The following STAU2 variants were observed in gnomAD, a reference collection of about 807,000 sequenced individuals.
The protein encoded by STAU2 is staufen double-stranded RNA binding protein 2.
Under a neutral mutation model 65.9 loss-of-function variants are expected in STAU2, and 20 were observed. That is an observed-to-expected ratio of 0.30 (90% CI 0.21 to 0.44). The LOEUF (loss-of-function observed/expected upper bound fraction) is 0.44, where lower values mean the gene tolerates loss of function less well. Ranked by LOEUF, STAU2 falls within the 20% of genes least tolerant of loss-of-function variation. STAU2 has a pLI of 1.00. For synonymous variants in STAU2, 232 were observed against 233.9 expected, an observed-to-expected ratio of 0.99 and a Z score of 0.07; for missense variants, 558 against 683.9, an observed-to-expected ratio of 0.82 and a Z score of 2.05.
At chr8:73,673,064 A>G (rs757981007) in intron 6 of STAU2, 43 bp downstream of exon 6, 1 of 1,472,198 alleles carries the variant, frequency 6.8e-7, no homozygotes, top group South Asian at 1.5e-5. Context: ...TATAACATGG[A>G]TAAAATAATA....
intron 2 of STAU2, among the ~76,000 whole-genome samples, chr8:73,738,597 T>C (rs1409863298): frequency 1.3e-5 from 2 of 152,224 alleles, no homozygotes; most frequent in Non-Finnish European, 2.9e-5. Flanking sequence ...TAATTTTCTT[T>C]CATGTTCACT....
At chr8:73,509,026 T>C (rs1822232166) in intron 13 of STAU2, among the ~76,000 whole-genome samples, 1 of 152,190 alleles carries the variant, frequency 6.6e-6, no homozygotes, top group Non-Finnish European at 1.5e-5. Flanking sequence ...TCGAGTGAAA[T>C]TGCTGGATCA....
chr8:73,690,130 C>T (rs1354592261), intron 4 of STAU2, among the ~76,000 whole-genome samples: 1 of 151,740 alleles, frequency 6.6e-6, no homozygotes, highest in Non-Finnish European at 1.5e-5. Flanking sequence ...AGATTGAGAC[C>T]ATCCTGGCTA....
intron 14 of STAU2, among the ~76,000 whole-genome samples, chr8:73,422,162 C>T (rs770148699): frequency 2.0e-5 from 3 of 152,158 alleles, no homozygotes; most frequent in Non-Finnish European, 4.4e-5. Context: ...GAAAACAACA[C>T]GGAAAACCGA....
At chr8:73,661,744 G>A (rs1344620217) in intron 6 of STAU2, among the ~76,000 whole-genome samples, 1 of 152,146 alleles carries the variant, frequency 6.6e-6, no homozygotes, top group Non-Finnish European at 1.5e-5. Context: ...TATTGTTTCT[G>A]AGATTCATGC....
intron 13 of STAU2, among the ~76,000 whole-genome samples, chr8:73,542,385 G>T (rs1341400317): frequency 6.6e-6 from 1 of 151,986 alleles, no homozygotes; most frequent in South Asian, 2.1e-4. Context: ...ATGTCCATAA[G>T]AAAACTTAAG....
intron 12 of STAU2, among the ~76,000 whole-genome samples, chr8:73,559,725 C>T (rs1343556081): frequency 3.3e-5 from 5 of 152,180 alleles, no homozygotes; most frequent in Non-Finnish European, 7.4e-5. Context: ...AATCCCCCTT[C>T]CTGCTGCCCT....
At chr8:73,734,718 C>T (rs1258736812) in intron 3 of STAU2, among the ~76,000 whole-genome samples, 2 of 151,880 alleles carry the variant, frequency 1.3e-5, no homozygotes, top group African/African-American at 2.4e-5. Flanking sequence ...TGCTTGAATT[C>T]GGAAGGCGGA....
chr8:73,582,966 G>T, intron 11 of STAU2, 136 bp from the exon 12 acceptor site: 1 of 671,306 alleles, frequency 1.5e-6, no homozygotes, highest in Non-Finnish European at 2.5e-6. Flanking sequence ...TTTGACCCTG[G>T]GATGATGGCT....
At chr8:73,457,445 G>A (rs938262587) in intron 13 of STAU2, among the ~76,000 whole-genome samples, 3 of 152,198 alleles carry the variant, frequency 2.0e-5, no homozygotes, top group African/African-American at 7.2e-5. Flanking sequence ...TCTTCATCTC[G>A]AATGAACCGC....
chr8:73,703,886 T>C (rs1820299760), intron 4 of STAU2, among the ~76,000 whole-genome samples: 2 of 152,278 alleles, frequency 1.3e-5, no homozygotes, highest in South Asian at 2.1e-4. Context: ...CCCACACAGA[T>C]ATAAAGCAGA....
At chr8:73,513,586 G>C (rs1214037731) in intron 13 of STAU2, among the ~76,000 whole-genome samples, 1 of 152,080 alleles carries the variant, frequency 6.6e-6, no homozygotes, top group Non-Finnish European at 1.5e-5. Context: ...TCTCCTGCTT[G>C]TGTTTGAAGT....
intron 5 of STAU2, among the ~76,000 whole-genome samples, chr8:73,678,701 T>G (rs960252297): frequency 1.1e-4 from 17 of 152,218 alleles, no homozygotes; most frequent in African/African-American, 4.1e-4. Context: ...CTACTAATGA[T>G]CAACCAGTAT....
At chr8:73,598,744 T>C (rs531856002) in intron 10 of STAU2, among the ~76,000 whole-genome samples, 8 of 152,222 alleles carry the variant, frequency 5.3e-5, no homozygotes, top group African/African-American at 1.9e-4. Context: ...TCATTATTTA[T>C]AGATGTGATT....
At chr8:73,564,484 C>T (rs565132957) in intron 12 of STAU2, among the ~76,000 whole-genome samples, 2 of 151,860 alleles carry the variant, frequency 1.3e-5, no homozygotes, top group South Asian at 2.1e-4. Flanking sequence ...TGGAGCCTAT[C>T]GAAGGGTGAA....
rs1288072734 is a variant in STAU2 at position 73,527,831 on chromosome 8, G to C, written c.1530+24181C>G. The C allele has an allele frequency of 6.0e-6, 9 of 1,494,284 alleles. No individual in the cohort carries two copies. The South Asian group carries it at 1.1e-4, about 18-fold the overall frequency. The allele number at this position is 1,494,284 out of a possible 1,614,324, so 92.6% of individuals were successfully genotyped here. On this transcript the variant is annotated intron_variant, in intron 13 of 14. Transcript: ENST00000524300. Reference sequence around the variant, plus strand: ...TATAACAGAACACACGCAATCCACTGAACACCATTTTCAGAGGGGACAAGA... The same window carrying C: ...TATAACAGAACACACGCAATCCACTCAACACCATTTTCAGAGGGGACAAGA...
chr8:73,467,381 A>C (rs1819715018), intron 13 of STAU2, among the ~76,000 whole-genome samples: 2 of 152,016 alleles, frequency 1.3e-5, no homozygotes, highest in Admixed American at 1.3e-4. Flanking sequence ...AAATACAAAA[A>C]ATTAGCCGGG....
At chr8:73,444,598 G>A (rs1052922437) in intron 13 of STAU2, among the ~76,000 whole-genome samples, 2 of 152,100 alleles carry the variant, frequency 1.3e-5, no homozygotes, top group Non-Finnish European at 2.9e-5. Flanking sequence ...CACTTGCTGA[G>A]GAATCTCTGT....
chr8:73,733,710 A>C (rs368575886), intron 3 of STAU2, among the ~76,000 whole-genome samples: 2 of 152,222 alleles, frequency 1.3e-5, no homozygotes, highest in East Asian at 1.9e-4. Context: ...ACACGAAAGA[A>C]CAAAAAATAT....
Sources: allele counts gnomAD v4.1 joint callset (sites outside exome capture counted in the v4.1 genomes callset), GRCh38; gene constraint gnomAD v4.1.1; transcripts MANE v1.5; gene names NCBI Gene and HGNC (gene_info 2026-07-23, HGNC 2026-07-21).